The following KLHL5 variants were observed in gnomAD, a reference collection of about 807,000 sequenced individuals.
The protein encoded by KLHL5 is kelch-like protein 5.
KLHL5 carries 48 observed loss-of-function variants against 77.7 expected under a neutral mutation model. The observed-to-expected ratio is 0.62, with a 90% CI of 0.49 to 0.79. The LOEUF (loss-of-function observed/expected upper bound fraction) is 0.79. Ranked by LOEUF, KLHL5 falls within the 30% of genes least tolerant of loss-of-function variation. The pLI is 0.00. For missense variants in KLHL5, 723 were observed against 859.7 expected, an observed-to-expected ratio of 0.84 and a Z score of 1.99; for synonymous variants, 260 against 297.0, an observed-to-expected ratio of 0.88 and a Z score of 1.28.
chr4:39,130,615 C>T (rs1723762359), downstream of KLHL5, among the ~76,000 whole-genome samples: 1 of 152,002 alleles, frequency 6.6e-6, no homozygotes, highest in Admixed American at 6.6e-5. Context: ...TCTTGGGATG[C>T]CAATCCCAGC....
chr4:39,058,223 G>A (rs1256542691), upstream of KLHL5, among the ~76,000 whole-genome samples: 1 of 152,136 alleles, frequency 6.6e-6, no homozygotes, highest in Non-Finnish European at 1.5e-5. Context: ...CATTTGAAAA[G>A]ACATCTGTTT....
At chr4:39,133,312 T>G in the KLHL5 span, among the ~76,000 whole-genome samples, 3 of 152,172 alleles carry the variant, frequency 2.0e-5, no homozygotes, top group Admixed American at 2.0e-4. Context: ...CTAAAGATTT[T>G]TTTGCACTGA....
chr4:39,103,387 T>A lies in KLHL5; in HGVS notation c.1401T>A (p.Asp467Glu), dbSNP rs772868199. The A allele has an allele frequency of 1.2e-6, 2 of 1,614,036 alleles. No homozygotes were observed. The highest frequency in any genetic ancestry group is 1.3e-5 in the African/African-American group (1 of 74,924). The change falls in exon 7 of 11, where the codon GAT becomes GAA. Residue 467 changes from aspartate (D) to glutamate (E), a missense_variant. Asp to Glu is a conservative substitution (Grantham distance 45). Around this residue, in one of 3 missense-constraint regions of KLHL5, gnomAD observed 288 missense variants for 400.3 expected, o/e 0.72. Coordinates refer to ENST00000504108, the MANE Select transcript of KLHL5 (RefSeq NM_015990.5). Reference protein sequence around the residue: ...RRLQFGVAVLDDKLYVVGGRD... With the variant: ...RRLQFGVAVLEDKLYVVGGRD... ...TACAGTTCGGTGTTGCAGTGCTAGA[T>A]GACAAACTGTATGTGGTTGGAGGAA...
intron 6 of KLHL5, among the ~76,000 whole-genome samples, chr4:39,102,365 C>T (rs1721650852): frequency 6.8e-6 from 1 of 146,378 alleles, no homozygotes; most frequent in Admixed American, 6.8e-5. Flanking sequence ...ACAAAGGAGT[C>T]CTGGAATCTT....
chr4:39,115,113 A>G (rs746137701), intron 9 of KLHL5, 46 bp from the exon 10 acceptor site: 2 of 1,555,046 alleles, frequency 1.3e-6, no homozygotes, highest in Admixed American at 4.1e-5. Context: ...TTTTACATAA[A>G]TATTTTAAGA....
At chr4:39,057,037 T>G (rs539816265) in intron 1 of KLHL5, among the ~76,000 whole-genome samples, 109 of 152,296 alleles carry the variant, frequency 7.2e-4, no homozygotes, top group South Asian at 4.1e-3. Context: ...AAATTAATCT[T>G]AAGATATTAT....
chr4:39,105,260 CCT>C (rs1387530371), intron 7 of KLHL5, among the ~76,000 whole-genome samples: 1 of 151,824 alleles, frequency 6.6e-6, no homozygotes, highest in Non-Finnish European at 1.5e-5. Context: ...AGTCCTCCCA[CCT>C]CAGCCTCTCT....
rs1459552368 is a variant in KLHL5 at position 39,123,773 on chromosome 4, A to T, written c.*2707A>T. ...ACAACATAATAGCAAAACATTGAAA[A>T]TTTTTCCCCTAATATCATGAAAATT... On this transcript the variant is annotated 3_prime_UTR_variant, in exon 11 of 11. Transcript: ENST00000504108. Among the ~76,000 whole-genome samples the T allele has an allele frequency of 1.3e-5, 2 of 152,084 alleles. No individual in the cohort carries two copies. The highest frequency in any genetic ancestry group is 2.9e-5 in the Non-Finnish European group (2 of 67,992).
rs548485527 is a variant in KLHL5 at position 39,082,231 on chromosome 4, A to C, written c.900+72A>C. 3.8e-5 allele frequency: 46 copies of C among 1,225,030 alleles called. No individual in the cohort carries two copies. The African/African-American group carries it at 5.2e-4, about 14-fold the overall frequency. 75.9% of individuals were successfully genotyped at this position (1,225,030 alleles called of 1,614,324 possible). A position where few individuals can be genotyped will look rare whatever the true frequency, so the allele number is the denominator to read the frequency against. Reference sequence around the variant, plus strand: ...TTCTTATTGTTGCAGGCTTATCTGCATGTTACTGTTTTCCCATGGCTCTGC... The same window carrying C: ...TTCTTATTGTTGCAGGCTTATCTGCCTGTTACTGTTTTCCCATGGCTCTGC... On this transcript the variant is annotated intron_variant, in intron 4 of 10. Coordinates refer to ENST00000504108, the MANE Select transcript of KLHL5 (RefSeq NM_015990.5).
rs749981439 is a variant in KLHL5 at position 39,113,211 on chromosome 4, G to T, written c.1880G>T (p.Arg627Ile). ...HDAPASNLTS[R>I]LSDCVERYDP... ...GCTCCCGCATCCAACTTGACTTCCA[G>T]ACTCTCAGACTGTGTGGAAAGGTAA... Residue 627 changes from arginine to isoleucine, a missense_variant, in exon 9 of 11, where the codon AGA (arginine) becomes ATA (isoleucine). Coordinates refer to ENST00000504108, the MANE Select transcript of KLHL5 (RefSeq NM_015990.5). 1 of 1,613,768 alleles carries T rather than the reference G, an allele frequency of 6.2e-7. No homozygotes were observed.
At chr4:39,088,297 C>G (rs1720226697) in intron 5 of KLHL5, among the ~76,000 whole-genome samples, 1 of 152,128 alleles carries the variant, frequency 6.6e-6, no homozygotes, top group African/African-American at 2.4e-5. Flanking sequence ...GCCATAAGTT[C>G]TTAGGGTTGA....
downstream of KLHL5, among the ~76,000 whole-genome samples, chr4:39,126,433 C>T (rs1326361318): frequency 1.3e-5 from 2 of 152,074 alleles, no homozygotes; most frequent in African/African-American, 4.8e-5. Flanking sequence ...TGTATCTTCT[C>T]CTGGGGCTGA....
At chr4:39,115,707 C>G in intron 10 of KLHL5, 1 of 1,178,072 alleles carries the variant, frequency 8.5e-7, no homozygotes, top group South Asian at 2.5e-5. Context: ...TGTGAGCAGT[C>G]GGATTTTTAA....
chr4:39,091,809 T>G (rs935215255), intron 5 of KLHL5, among the ~76,000 whole-genome samples: 1 of 148,766 alleles, frequency 6.7e-6, no homozygotes, highest in Non-Finnish European at 1.5e-5. Flanking sequence ...TAGCTGAGAC[T>G]ACAGTCACTG....
intron 1 of KLHL5, among the ~76,000 whole-genome samples, chr4:39,048,752 T>C (rs2109236019): frequency 6.8e-6 from 1 of 147,720 alleles, no homozygotes; most frequent in South Asian, 2.2e-4. Flanking sequence ...CAAGTGATTC[T>C]CCTGCCTCAG....
chr4:39,062,240 G>A lies in KLHL5; in HGVS notation c.-413G>A, dbSNP rs932323927. On this transcript the variant is annotated 5_prime_UTR_variant, in exon 1 of 11. Transcript: ENST00000504108. ...GCAGCAGAGACTGAGATACTGCAAC[G>A]GGGATAGTGTTTTCTGTCTCTGTCA... 3 of 1,241,450 alleles carry A rather than the reference G, an allele frequency of 2.4e-6. No individual in the cohort carries two copies. Among genetic ancestry groups the A allele is most frequent in the Middle Eastern group, 3.3e-4 (1 of 3,048 alleles). The allele number at this position is 1,241,450 out of a possible 1,614,324, so 76.9% of individuals were successfully genotyped here.
At chr4:39,084,069 C>G (rs1056147530) in intron 4 of KLHL5, among the ~76,000 whole-genome samples, 1 of 152,116 alleles carries the variant, frequency 6.6e-6, no homozygotes, top group African/African-American at 2.4e-5. Context: ...AAATAAATCC[C>G]TCCGTAATTT....
At chr4:39,106,736 G>T (rs370131330) in intron 7 of KLHL5, among the ~76,000 whole-genome samples, 17 of 152,162 alleles carry the variant, frequency 1.1e-4, no homozygotes, top group African/African-American at 4.1e-4. Context: ...TTCCACTGTT[G>T]TACCTAAAAA....
In KLHL5 at chr4:39,081,583, C is replaced by T. The variant is rs1246032803; in HGVS notation, c.703+344C>T. Among the ~76,000 whole-genome samples, 3 of 151,750 alleles carry T rather than the reference C, an allele frequency of 2.0e-5. No homozygotes were observed. Among genetic ancestry groups the T allele is most frequent in the Non-Finnish European group, 1.5e-5 (1 of 67,972 alleles). On this transcript the variant is annotated intron_variant, in intron 3 of 10. Coordinates refer to ENST00000504108, the MANE Select transcript of KLHL5 (RefSeq NM_015990.5). The surrounding 1 kb of genome is among the most constrained non-coding windows in gnomAD (Gnocchi z 4.3). ...GGGAAGCCAAGGCAGGACGGATGAT[C>T]GCTTGAGCCCAGGAGTTCGATGCTG...
Sources: allele counts gnomAD v4.1 joint callset (sites outside exome capture counted in the v4.1 genomes callset), GRCh38; gene constraint gnomAD v4.1.1; regional missense constraint gnomAD v4.1.1; non-coding constraint Gnocchi (gnomAD v3.1); transcripts MANE v1.5; gene names NCBI Gene and HGNC (gene_info 2026-07-23, HGNC 2026-07-21).